Variants in PRKDC observed in about 807,000 individuals in gnomAD.
PRKDC encodes DNA-dependent protein kinase catalytic subunit.
In PRKDC, 82 loss-of-function variants were observed where a neutral mutation model predicts 486.9. The observed-to-expected ratio is 0.17, with a 90% CI of 0.14 to 0.20. PRKDC has a LOEUF of 0.20. Ranked by LOEUF, PRKDC falls within the 10% of genes least tolerant of loss-of-function variation. The probability of loss-of-function intolerance (pLI) is 1.00; values close to 1 mark genes in which losing one functional copy is unlikely to be tolerated. For missense variants in PRKDC, 4,504 were observed against 5,038.2 expected (o/e 0.89, Z 3.21); for synonymous variants, 1,895 against 1,837.0 (o/e 1.03, Z -0.81).
chr8:47,937,282 T>C (rs1032283838), intron 11 of PRKDC, among the ~76,000 whole-genome samples: 2 of 152,016 alleles, frequency 1.3e-5, no homozygotes, highest in African/African-American at 4.8e-5. Context: ...ATAAATAAAA[T>C]ATATCTCATT....
intron 67 of PRKDC, among the ~76,000 whole-genome samples, chr8:47,818,361 C>T (rs1229468909): frequency 1.3e-5 from 2 of 151,838 alleles, no homozygotes; most frequent in Non-Finnish European, 2.9e-5. Context: ...GGGCGGATCA[C>T]GAGGTCAGGA....
At chr8:47,848,359 G>T (rs139014350) in intron 54 of PRKDC, among the ~76,000 whole-genome samples, 27 of 152,292 alleles carry the variant, frequency 1.8e-4, no homozygotes, top group African/African-American at 6.3e-4. Flanking sequence ...GGAGGCCACT[G>T]TCCTAAGTGA....
At chr8:47,892,890 T>G (rs762255877) in intron 31 of PRKDC, among the ~76,000 whole-genome samples, 1 of 152,212 alleles carries the variant, frequency 6.6e-6, no homozygotes, top group African/African-American at 2.4e-5. Context: ...TTTTGTGTAT[T>G]TAAAATGTCA....
At chr8:47,850,754 T>C (rs1226481634) in intron 52 of PRKDC, among the ~76,000 whole-genome samples, 1 of 152,238 alleles carries the variant, frequency 6.6e-6, no homozygotes, top group Admixed American at 6.5e-5. Context: ...AGTGGAGCTG[T>C]GTGCCACAGG....
At position 47,947,107 on chromosome 8, in the gene PRKDC, C is replaced by T. The variant is rs182169742; in HGVS notation, c.722-3078G>A. 1.4e-4 allele frequency among the ~76,000 whole-genome samples: 22 copies of T among 152,322 alleles called. No homozygotes were observed. The East Asian group carries it at 2.3e-3, about 16-fold the overall frequency. On this transcript the variant is annotated intron_variant, in intron 7 of 85. Transcript: ENST00000314191. ...CTCTTGACACACCAGCTCTTGTGGA[C>T]CCTCGGACCACTGCACGCAGGCTAA...
intron 59 of PRKDC, 139 bp downstream of exon 59, chr8:47,834,057 G>A: frequency 9.1e-7 from 1 of 1,097,550 alleles, no homozygotes; most frequent in Non-Finnish European, 1.3e-6. Context: ...TGAGTGCCTA[G>A]GCAACATTAA....
At position 47,830,667 on chromosome 8, in the gene PRKDC, C is replaced by T; in HGVS notation, c.8335G>A (p.Asp2779Asn). 6.2e-7 allele frequency: 1 copy of T among 1,613,926 alleles called. No individual in the cohort carries two copies. The highest frequency in any genetic ancestry group is 1.1e-5 in the South Asian group (1 of 91,072). ...TGCTTGATCTGAATGTCAGGAAGGT[C>T]TCCGTGCCGGTAGCTTCTGTACAGA... ...VVLYRSYRHG[D>N]LPDIQIKHSS... is the part of the protein sequence containing the mutation. The change falls in exon 61 of 86, where the codon GAC becomes AAC. Residue 2779 changes from aspartate (D) to asparagine (N), a missense_variant. Transcript: ENST00000314191.
chr8:47,933,307 G>C (rs964171271), intron 15 of PRKDC, 135 bp from the exon 16 acceptor site: 1 of 680,000 alleles, frequency 1.5e-6, no homozygotes, highest in Non-Finnish European at 2.2e-6. Flanking sequence ...AACTGCAGCA[G>C]ATTTACCTGG....
intron 54 of PRKDC, 100 bp downstream of exon 54, chr8:47,849,054 A>G (rs1228735050): frequency 1.4e-6 from 2 of 1,426,912 alleles, no homozygotes; most frequent in Non-Finnish European, 1.9e-6. Context: ...AAATGTGTAT[A>G]TCATGGAAAC....
At chr8:47,936,563 C>T (rs1282406899) in intron 11 of PRKDC, 46 bp from the exon 12 acceptor site, 2 of 1,595,810 alleles carry the variant, frequency 1.3e-6, no homozygotes, top group Admixed American at 3.4e-5. Context: ...TTATCAAGAT[C>T]AAAATAATAT....
intron 33 of PRKDC, 71 bp downstream of exon 33, chr8:47,888,943 A>G: frequency 6.9e-7 from 1 of 1,449,090 alleles, no homozygotes; most frequent in East Asian, 2.3e-5. Context: ...GAGCAGCTGC[A>G]GGAGCACGGC....
chr8:47,862,028 ATAAGTTTTTTT>A (rs753412204), intron 44 of PRKDC, 23 bp downstream of exon 44: 6 of 1,499,014 alleles, frequency 4.0e-6, no homozygotes, highest in Admixed American at 4.1e-5. Flanking sequence ...TGAGCACTTG[ATAAGTTTTTTT>A]TAACATTGAA....
chr8:47,901,266 G>A (rs549022310), intron 27 of PRKDC, among the ~76,000 whole-genome samples: 12 of 152,248 alleles, frequency 7.9e-5, no homozygotes, highest in Non-Finnish European at 1.8e-4. Context: ...CTGAGGTCAG[G>A]AGTTCAAGAC....
chr8:47,950,666 A>G (rs1355740783), intron 7 of PRKDC, among the ~76,000 whole-genome samples: 2 of 151,732 alleles, frequency 1.3e-5, no homozygotes, highest in Non-Finnish European at 2.9e-5. Flanking sequence ...ATAAAAAGTT[A>G]TATTTGTCCT....
chr8:47,917,147 C>T lies in PRKDC; in HGVS notation c.2526+1130G>A, dbSNP rs139633835. ...GCACATGCCTGTGGTCCCAGCTACT[C>T]GGGTGGCTGAGGCGGGAGGATCACT... On this transcript the variant is annotated intron_variant, in intron 22 of 85. Coordinates refer to ENST00000314191, the MANE Select transcript of PRKDC (RefSeq NM_006904.7). Among the ~76,000 whole-genome samples the T allele has an allele frequency of 4.1e-4, 63 of 152,158 alleles. No individual in the cohort carries two copies. In the East Asian group the frequency reaches 0.011, roughly 26 times the overall value.
chr8:47,897,271 A>G lies in PRKDC; in HGVS notation c.3488T>C (p.Leu1163Ser). The change falls in exon 30 of 86, where the codon TTG becomes TCG. Residue 1163 changes from leucine to serine, a missense_variant. This residue lies in a region of PRKDC where 1,969 missense variants were observed against 2,068.9 expected (regional missense o/e 0.95). Transcript: ENST00000314191. ...LPRGFPPSAS[L>S]CLLDLVKWLL... ...CCACTTGACCAGATCCAATAAACAC[A>G]ATGATGCGGAAGGTGGAAATCCTCT... is the stretch of plus-strand genomic sequence containing the variant. 1 of 1,597,564 alleles carries G rather than the reference A, an allele frequency of 6.3e-7. No individual in the cohort carries two copies. Among genetic ancestry groups the G allele is most frequent in the Admixed American group, 1.7e-5 (1 of 59,830 alleles).
Position 47,927,235 on chromosome 8 carries a change from A to G in PRKDC, c.2378T>C (p.Leu793Pro). 1 of 1,613,870 alleles carries G rather than the reference A, an allele frequency of 6.2e-7. No individual in the cohort carries two copies. Among genetic ancestry groups the G allele is most frequent in the Non-Finnish European group, 8.5e-7 (1 of 1,179,804 alleles). ...CTTCAGGTATCCATCCAGGCAGGGG[A>G]GAATGTCTTTGTAATAAGGCTGCAT... Reference protein sequence around the residue: ...HVMQPYYKDILPCLDGYLKTS... With the variant: ...HVMQPYYKDIPPCLDGYLKTS... The change falls in exon 21 of 86, where the codon CTC becomes CCC. Residue 793 changes from leucine to proline, a missense_variant. Leu to Pro is a moderately conservative substitution (Grantham distance 98). Transcript: ENST00000314191.
Position 47,864,710 on chromosome 8 carries a change from C to A in PRKDC, c.5417G>T (p.Arg1806Met). The A allele has an allele frequency of 6.2e-7, 1 of 1,606,486 alleles. No individual in the cohort carries two copies. The highest frequency in any genetic ancestry group is 2.2e-5 in the East Asian group (1 of 44,698). The change falls in exon 41 of 86, where the codon AGG (arginine) becomes ATG (methionine). Residue 1806 changes from arginine (R) to methionine (M), a missense_variant. This residue lies in a region of PRKDC where 1,969 missense variants were observed against 2,068.9 expected (regional missense o/e 0.95). Coordinates refer to ENST00000314191, the MANE Select transcript of PRKDC (RefSeq NM_006904.7). ...GLLESVYEMF[R>M]KDDPRLSFTR... ...GAAACTTAGGCGGGGGTCATCCTTC[C>A]TGAACATTTCATACACGCTTTCCAG...
At chr8:47,874,171 G>C (rs550801335) in intron 40 of PRKDC, among the ~76,000 whole-genome samples, 4 of 151,482 alleles carry the variant, frequency 2.6e-5, no homozygotes, top group Admixed American at 6.6e-5. Context: ...GGATGGTCTC[G>C]ATCTCCTGAC....
Sources: gnomAD v4.1 joint callset for allele counts (sites outside exome capture counted in the v4.1 genomes callset) on GRCh38, gnomAD v4.1.1 for gene constraint, gnomAD v4.1.1 regional missense constraint, MANE v1.5 for transcripts, NCBI Gene and HGNC (gene_info 2026-07-23, HGNC 2026-07-21) for gene names.